ARID4B: variants seen among roughly 807,000 people sequenced by gnomAD.
ARID4B encodes AT-rich interactive domain-containing protein 4B.
ARID4B carries 26 observed loss-of-function variants against 147.5 expected under a neutral mutation model. That is an observed-to-expected ratio of 0.18 (90% confidence interval 0.13 to 0.24). ARID4B has a LOEUF of 0.24. Ranked by LOEUF, ARID4B falls within the 10% of genes least tolerant of loss-of-function variation. The probability of loss-of-function intolerance (pLI) is 1.00; values close to 1 mark genes in which losing one functional copy is unlikely to be tolerated. For missense variants in ARID4B, 1,179 were observed against 1,511.5 expected (o/e 0.78, Z 3.65); for synonymous variants, 512 against 507.9 (o/e 1.01, Z -0.11).
intron 2 of ARID4B, among the ~76,000 whole-genome samples, chr1:235,296,631 T>C (rs933468632): frequency 6.6e-6 from 1 of 151,656 alleles, no homozygotes; most frequent in Non-Finnish European, 1.5e-5. Flanking sequence ...CTAATTTTTT[T>C]GAGCTTTTTG....
At chr1:235,216,310 T>TGC (rs1667072321) in intron 16 of ARID4B, among the ~76,000 whole-genome samples, 1 of 149,206 alleles carries the variant, frequency 6.7e-6, no homozygotes, top group Non-Finnish European at 1.5e-5. Context: ...TATATATGTA[T>TGC]ACACACACAC....
intron 2 of ARID4B, among the ~76,000 whole-genome samples, chr1:235,318,358 C>A (rs1674587969): frequency 1.3e-5 from 2 of 151,636 alleles, no homozygotes; most frequent in Non-Finnish European, 2.9e-5. Context: ...TTATTTAGTA[C>A]AGATGGGGTT....
chr1:235,287,282 T>TA, intron 2 of ARID4B, among the ~76,000 whole-genome samples: 1 of 151,760 alleles, frequency 6.6e-6, no homozygotes, highest in East Asian at 1.9e-4. Flanking sequence ...TTTTTTTTTT[T>TA]ACCTTTTTTC....
chr1:235,321,427 C>T (rs1052349513), intron 2 of ARID4B, among the ~76,000 whole-genome samples: 6 of 152,166 alleles, frequency 3.9e-5, no homozygotes, highest in African/African-American at 1.4e-4. Context: ...CAGCATGCTT[C>T]AAATGACAGT....
At chr1:235,265,094 G>T (rs1478168633) in intron 2 of ARID4B, among the ~76,000 whole-genome samples, 2 of 151,404 alleles carry the variant, frequency 1.3e-5, no homozygotes, top group Non-Finnish European at 2.9e-5. Context: ...TGGGCACGGT[G>T]GCTCATGCCT....
At chr1:235,190,315 G>C (rs2102948168) in intron 19 of ARID4B, among the ~76,000 whole-genome samples, 1 of 152,226 alleles carries the variant, frequency 6.6e-6, no homozygotes, top group South Asian at 2.1e-4. Flanking sequence ...AGGCGTGGTG[G>C]CAGGCCCCTG....
chr1:235,245,526 G>T (rs1315223124), intron 7 of ARID4B, among the ~76,000 whole-genome samples: 1 of 151,684 alleles, frequency 6.6e-6, no homozygotes, highest in African/African-American at 2.4e-5. Flanking sequence ...ACAAATAAGA[G>T]ACTATTTTTC....
chr1:235,246,751 G>T (rs1572069172), intron 6 of ARID4B, among the ~76,000 whole-genome samples: 1 of 152,112 alleles, frequency 6.6e-6, no homozygotes, highest in Non-Finnish European at 1.5e-5. Flanking sequence ...CTCTCTAGAT[G>T]ATTCATTACC....
In ARID4B at chr1:235,229,119, T is replaced by G. The variant is rs74148670; in HGVS notation, c.897+112A>C. ...TCTCAAATACAAGATTATGAAATAT[T>G]TCTCATACTAAAAATACTTATATGA... On this transcript the variant is annotated intron_variant, in intron 11 of 23. Transcript: ENST00000264183. 4.9e-6 allele frequency: 6 copies of G among 1,229,986 alleles called. No homozygotes were observed. In the East Asian group the frequency reaches 1.2e-4, roughly 25 times the overall value. The allele number at this position is 1,229,986 out of a possible 1,614,324, so 76.2% of individuals were successfully genotyped here. A position where few individuals can be genotyped will look rare whatever the true frequency, so the allele number is the denominator to read the frequency against.
intron 7 of ARID4B, among the ~76,000 whole-genome samples, chr1:235,243,434 A>G (rs905043340): frequency 1.3e-5 from 2 of 152,118 alleles, no homozygotes; most frequent in East Asian, 1.9e-4. Context: ...TGACATTGTT[A>G]TTTCTTTGGT....
At chr1:235,218,850 C>T (rs1667258681) in intron 16 of ARID4B, among the ~76,000 whole-genome samples, 1 of 150,444 alleles carries the variant, frequency 6.6e-6, no homozygotes, top group African/African-American at 2.4e-5. Context: ...GGCCAAATGT[C>T]AGTACGCTAA....
In ARID4B at chr1:235,168,274, G is replaced by A. The variant is rs113013527; in HGVS notation, c.*251C>T. ...CAGTGAAAAGCCTCCATTTGCCACA[G>A]TGGAAGGCCTTCCAGTTACCAGACA... On this transcript the variant is annotated 3_prime_UTR_variant, in exon 24 of 24. Coordinates refer to ENST00000264183, the MANE Select transcript of ARID4B (RefSeq NM_016374.6). The A allele has an allele frequency of 2.5e-6, 1 of 396,410 alleles. No homozygotes were observed. Among genetic ancestry groups the A allele is most frequent in the Non-Finnish European group, 4.6e-6 (1 of 216,634 alleles). 24.6% of individuals were successfully genotyped at this position (396,410 alleles called of 1,614,324 possible).
chr1:235,219,769 C>T (rs753338588), intron 16 of ARID4B, 24 bp downstream of exon 16: 20 of 1,565,344 alleles, frequency 1.3e-5, no homozygotes, highest in South Asian at 3.6e-5. Context: ...TGAAATGCAT[C>T]GTAACCAAAA....
At chr1:235,207,460 A>G (rs1666381345) in intron 17 of ARID4B, among the ~76,000 whole-genome samples, 1 of 152,218 alleles carries the variant, frequency 6.6e-6, no homozygotes, top group African/African-American at 2.4e-5. Flanking sequence ...TGAGTACTAT[A>G]AAGCAAAAGG....
intron 17 of ARID4B, among the ~76,000 whole-genome samples, chr1:235,204,957 C>T (rs1196596932): frequency 6.6e-6 from 1 of 152,018 alleles, no homozygotes; most frequent in Non-Finnish European, 1.5e-5. Context: ...CATTTGTACT[C>T]AAAATCTATG....
chr1:235,268,663 G>C (rs1176225619), intron 2 of ARID4B, among the ~76,000 whole-genome samples: 1 of 152,088 alleles, frequency 6.6e-6, no homozygotes, highest in African/African-American at 2.4e-5. Context: ...CAAGTAGCTG[G>C]GATTACAGGC....
At position 235,252,813 on chromosome 1, in the gene ARID4B, TGA is replaced by T. The variant is rs771659566; in HGVS notation, c.275-6_275-5del. On this transcript the variant is annotated splice_polypyrimidine_tract_variant and splice_region_variant and intron_variant, in intron 5 of 23. Coordinates refer to ENST00000264183, the MANE Select transcript of ARID4B (RefSeq NM_016374.6). ...TTCTCATCTCCGTCATCAAAAACTA[TGA>T]GAGGGGGTAAAAATGGAAGCTACTG... 6.2e-6 allele frequency: 10 copies of T among 1,607,234 alleles called. No individual in the cohort carries two copies. Among genetic ancestry groups the T allele is most frequent in the South Asian group, 1.1e-5 (1 of 89,958 alleles).
At chr1:235,175,123 TA>T in intron 22 of ARID4B, 60 bp downstream of exon 22, 1 of 1,471,392 alleles carries the variant, frequency 6.8e-7, no homozygotes, top group Non-Finnish European at 9.5e-7. Context: ...AAAAACAAAA[TA>T]AAACAAAAAG....
chr1:235,261,648 ATC>A (rs1401226019), intron 2 of ARID4B, among the ~76,000 whole-genome samples: 1 of 152,214 alleles, frequency 6.6e-6, no homozygotes, highest in Non-Finnish European at 1.5e-5. Flanking sequence ...AAGCCAAAAT[ATC>A]TTAAATGCTT....
Sources: gnomAD v4.1 joint callset for allele counts (sites outside exome capture counted in the v4.1 genomes callset) on GRCh38, gnomAD v4.1.1 for gene constraint, MANE v1.5 for transcripts, NCBI Gene and HGNC (gene_info 2026-07-23, HGNC 2026-07-21) for gene names.